LIMCH1: variants seen among roughly 807,000 people sequenced by gnomAD.
LIMCH1 encodes LIM and calponin homology domains 1.
LIMCH1 carries 113 observed loss-of-function variants against 176.5 expected under a neutral mutation model. The observed-to-expected ratio is 0.64, with a 90% CI of 0.55 to 0.75. LIMCH1 has a LOEUF of 0.75. LIMCH1 is among the 30% of genes least tolerant of loss of function. The pLI is 0.00. For synonymous variants in LIMCH1, 619 were observed against 645.9 expected, an observed-to-expected ratio of 0.96 and a Z score of 0.63; for missense variants, 1,674 against 1,814.9, an observed-to-expected ratio of 0.92 and a Z score of 1.41.
intron 4 of LIMCH1, among the ~76,000 whole-genome samples, chr4:41,607,299 A>G (rs955181031): frequency 6.6e-6 from 1 of 152,244 alleles, no homozygotes; most frequent in South Asian, 2.1e-4. Flanking sequence ...AATGGTCCTG[A>G]TAGTTCTTCA....
intron 1 of LIMCH1, among the ~76,000 whole-genome samples, chr4:41,401,025 C>A (rs1561249227): frequency 6.6e-6 from 1 of 152,118 alleles, no homozygotes; most frequent in Non-Finnish European, 1.5e-5. Context: ...TGCAGAAGCT[C>A]TTTAGTTTAA....
At chr4:41,559,054 T>C (rs2081703635) in intron 1 of LIMCH1, among the ~76,000 whole-genome samples, 1 of 152,220 alleles carries the variant, frequency 6.6e-6, no homozygotes, top group Non-Finnish European at 1.5e-5. Context: ...AAAAATATTT[T>C]ATCTGGTTTG....
chr4:41,632,829 T>A lies in LIMCH1; in HGVS notation c.1682T>A (p.Val561Asp), dbSNP rs1213210174. 2 of 1,536,072 alleles carry A rather than the reference T, an allele frequency of 1.3e-6. No homozygotes were observed. The highest frequency in any genetic ancestry group is 4.9e-5 in the East Asian group (2 of 40,906). ...APVPESQEEW[V>D]CSLGECPRGT... ...GTGCCGGAGTCTCAGGAAGAGTGGG[T>A]CTGCAGTTTGGGCGAGTGCCCGAGG... The change falls in exon 11 of 32, where the codon GTC becomes GAC. Residue 561 changes from valine to aspartate, a missense_variant. Around this residue, in one of 3 missense-constraint regions of LIMCH1, gnomAD observed 1,015 missense variants for 1,102.5 expected, o/e 0.92. Transcript: ENST00000503057.
At position 41,681,033 on chromosome 4, in the gene LIMCH1, T is replaced by C. The variant is rs779817717; in HGVS notation, c.3691T>C (p.Ser1231Pro). 8.1e-6 allele frequency: 13 copies of C among 1,610,604 alleles called. No homozygotes were observed. In the Admixed American group the frequency reaches 2.2e-4, roughly 27 times the overall value. Reference protein sequence around the residue: ...SSADQLSTSSSMTEGSGTMNK... With the variant: ...SSADQLSTSSPMTEGSGTMNK... Reference sequence around the variant, plus strand: ...CGCTGACCAGCTGTCTACCTCTTCCTCCATGACTGAAGGCAGTGGGACAAT... The same window carrying C: ...CGCTGACCAGCTGTCTACCTCTTCCCCCATGACTGAAGGCAGTGGGACAAT... Residue 1231 changes from serine (S) to proline (P), a missense_variant, in exon 25 of 32, where the codon TCC becomes CCC. By Grantham distance (74) the Ser-to-Pro change is moderately conservative. Coordinates refer to ENST00000503057, the MANE Select transcript of LIMCH1 (RefSeq NM_001330672.2).
chr4:41,503,004 TCCATCCATCC>T (rs1561567695), intron 2 of LIMCH1, among the ~76,000 whole-genome samples: 18 of 147,226 alleles, frequency 1.2e-4, no homozygotes, highest in African/African-American at 3.1e-4. Context: ...TGTCTGTCCA[TCCATCCATCC>T]ATCCATCCAT....
chr4:41,506,639 A>T (rs1561577757), intron 2 of LIMCH1, among the ~76,000 whole-genome samples: 1 of 152,350 alleles, frequency 6.6e-6, no homozygotes, highest in Admixed American at 6.5e-5. Context: ...TTAAATGAGG[A>T]TACTGTTATG....
upstream of LIMCH1, chr4:41,538,153 C>T (rs1016666224): frequency 3.9e-5 from 38 of 985,458 alleles, no homozygotes; most frequent in Non-Finnish European, 4.5e-5. Context: ...CCTTTCACTG[C>T]ATCAGCATTT....
rs532310697 is a variant in LIMCH1 at position 41,545,027 on chromosome 4, C to T, written c.-241+6677C>T. ...ACTGCTCTGAACTGGCAAATGCCTA[C>T]AGGGACTTCAGTGTCATAGGACAGG... On this transcript the variant is annotated intron_variant, in intron 1 of 31. Coordinates refer to ENST00000503057, the MANE Select transcript of LIMCH1 (RefSeq NM_001330672.2). Among the ~76,000 whole-genome samples, 6 of 152,360 alleles carry T rather than the reference C, an allele frequency of 3.9e-5. No individual in the cohort carries two copies. In the East Asian group the frequency reaches 9.6e-4, roughly 24 times the overall value.
At chr4:41,543,383 A>T (rs116631951) in intron 1 of LIMCH1, among the ~76,000 whole-genome samples, 1,689 of 152,292 alleles carry the variant, frequency 0.011, 30 homozygotes, top group African/African-American at 0.039. Context: ...GCTCCTGTGG[A>T]GATAGTGTTT....
At chr4:41,575,754 G>A (rs1448405993) in intron 1 of LIMCH1, among the ~76,000 whole-genome samples, 3 of 152,108 alleles carry the variant, frequency 2.0e-5, no homozygotes, top group African/African-American at 7.2e-5. Flanking sequence ...GTATCTGGTG[G>A]TAGTAGATAT....
intron 1 of LIMCH1, among the ~76,000 whole-genome samples, chr4:41,404,248 C>A (rs1044820150): frequency 2.6e-5 from 4 of 151,784 alleles, no homozygotes. Flanking sequence ...AAGGAGCTTT[C>A]TGTTGAGACA....
intron 1 of LIMCH1, among the ~76,000 whole-genome samples, chr4:41,367,824 G>A (rs540864806): frequency 2.7e-5 from 4 of 146,684 alleles, no homozygotes; most frequent in Admixed American, 6.9e-5. Context: ...CCAAAATCGC[G>A]CCACTGCACT....
At chr4:41,520,924 G>T (rs1056080989) in intron 2 of LIMCH1, among the ~76,000 whole-genome samples, 1 of 152,074 alleles carries the variant, frequency 6.6e-6, no homozygotes, top group Non-Finnish European at 1.5e-5. Flanking sequence ...GGAACCACAG[G>T]CAGGAAGTTG....
At chr4:41,689,105 C>T (rs140567924) in intron 29 of LIMCH1, among the ~76,000 whole-genome samples, 1 of 152,178 alleles carries the variant, frequency 6.6e-6, no homozygotes, top group African/African-American at 2.4e-5. Flanking sequence ...AAAAGAAATG[C>T]TATAGTGGAC....
intron 1 of LIMCH1, among the ~76,000 whole-genome samples, chr4:41,372,842 A>C (rs1443418042): frequency 6.6e-6 from 1 of 152,222 alleles, no homozygotes; most frequent in Non-Finnish European, 1.5e-5. Flanking sequence ...GTTGGAAATG[A>C]GGAAACTGAG....
chr4:41,411,297 A>C (rs1361550051), intron 1 of LIMCH1, among the ~76,000 whole-genome samples: 1 of 152,130 alleles, frequency 6.6e-6, no homozygotes. Context: ...CTTGCATGGC[A>C]TTCTATCTCA....
intron 1 of LIMCH1, among the ~76,000 whole-genome samples, chr4:41,456,545 G>A (rs780543831): frequency 6.6e-6 from 1 of 152,136 alleles, no homozygotes; most frequent in Non-Finnish European, 1.5e-5. Flanking sequence ...TGACAGAGAC[G>A]CTAAGGCAGA....
At chr4:41,633,413 C>T in intron 12 of LIMCH1, 135 bp from the exon 13 acceptor site, 5 of 1,043,092 alleles carry the variant, frequency 4.8e-6, no homozygotes, top group Non-Finnish European at 5.4e-6. Flanking sequence ...AGATTTCCTG[C>T]TCAGCTGCTC....
At chr4:41,417,209 C>T (rs2060023452) in intron 1 of LIMCH1, among the ~76,000 whole-genome samples, 1 of 152,090 alleles carries the variant, frequency 6.6e-6, no homozygotes, top group Admixed American at 6.6e-5. Flanking sequence ...CATTGGTCAT[C>T]ACAGAGGTTT....
Sources: gnomAD v4.1 joint callset for allele counts (sites outside exome capture counted in the v4.1 genomes callset) on GRCh38, gnomAD v4.1.1 for gene constraint, gnomAD v4.1.1 regional missense constraint, MANE v1.5 for transcripts, NCBI Gene and HGNC (gene_info 2026-07-23, HGNC 2026-07-21) for gene names.